BOLL: variants seen among roughly 807,000 people sequenced by gnomAD.
BOLL encodes protein boule-like.
Under a neutral mutation model 44.4 loss-of-function variants are expected in BOLL, and 23 were observed. The observed-to-expected ratio is 0.52, with a 90% CI of 0.37 to 0.73. The LOEUF (loss-of-function observed/expected upper bound fraction) is 0.73, where lower values mean the gene tolerates loss of function less well. BOLL is among the 30% of genes least tolerant of loss of function. The probability of loss-of-function intolerance (pLI) is 0.00; values close to 1 mark genes in which losing one functional copy is unlikely to be tolerated. For missense variants in BOLL, 287 were observed against 338.3 expected (o/e 0.85, Z 1.19); for synonymous variants, 97 against 110.8 (o/e 0.88, Z 0.78).
intron 8 of BOLL, 45 bp from the exon 9 acceptor site, chr2:197,756,601 T>G: frequency 1.3e-6 from 2 of 1,526,958 alleles, no homozygotes. Context: ...GATTAGTTAT[T>G]TCTGTTAAAC....
intron 10 of BOLL, among the ~76,000 whole-genome samples, chr2:197,732,805 G>A (rs1395175638): frequency 8.2e-5 from 11 of 134,350 alleles, no homozygotes; most frequent in South Asian, 2.6e-4. Context: ...TTGATGGGAC[G>A]TATTTCAAAA....
In BOLL at chr2:197,734,611, A is replaced by T. The variant is rs538384645; in HGVS notation, c.829-6033T>A. ...TAAGAAAATGTGGCAGATATACACC[A>T]TGGAATACTATGCAGCCATAAAAAA... is the stretch of plus-strand genomic sequence containing the variant. On this transcript the variant is annotated intron_variant, in intron 10 of 10. Coordinates refer to ENST00000392296, the MANE Select transcript of BOLL (RefSeq NM_033030.6). Among the ~76,000 whole-genome samples the T allele has an allele frequency of 3.4e-3, 519 of 152,238 alleles. 7 individuals are homozygous for T. The highest frequency in any genetic ancestry group is 0.012 in the African/African-American group (494 of 41,518).
At chr2:197,748,211 C>T (rs1307465490) in intron 9 of BOLL, among the ~76,000 whole-genome samples, 7 of 152,200 alleles carry the variant, frequency 4.6e-5, no homozygotes, top group South Asian at 2.1e-4. Flanking sequence ...TCAGATACTA[C>T]GCTTTTCCCA....
intron 7 of BOLL, among the ~76,000 whole-genome samples, chr2:197,760,730 C>T (rs1688718389): frequency 6.6e-6 from 1 of 152,106 alleles, no homozygotes; most frequent in African/African-American, 2.4e-5. Context: ...AGAGACTACC[C>T]TAGCAGATAG....
At chr2:197,761,983 G>A (rs1688779468) in intron 7 of BOLL, among the ~76,000 whole-genome samples, 1 of 152,130 alleles carries the variant, frequency 6.6e-6, no homozygotes, top group Non-Finnish European at 1.5e-5. Context: ...GAGAGAGGGA[G>A]AAACCCCAAT....
chr2:197,785,203 A>C lies in BOLL; in HGVS notation c.-163T>G, dbSNP rs1241672758. ...AACGAGGATCCACCCCCTCCCCACC[A>C]AAGTGCGGGAGGGAAAAGAAGGCTA... On this transcript the variant is annotated 5_prime_UTR_variant, in exon 1 of 11. Transcript: ENST00000392296. This position sits in a 1 kb window ranked among gnomAD's most constrained non-coding sequence, Gnocchi z 6.7. 3.0e-6 allele frequency: 3 copies of C among 985,732 alleles called. No individual in the cohort carries two copies. The highest frequency in any genetic ancestry group is 3.6e-6 in the Non-Finnish European group (3 of 829,916). 61.1% of individuals were successfully genotyped at this position (985,732 alleles called of 1,614,324 possible).
At chr2:197,732,777 C>T (rs1369370526) in intron 10 of BOLL, among the ~76,000 whole-genome samples, 1 of 142,442 alleles carries the variant, frequency 7.0e-6, no homozygotes, top group Admixed American at 7.1e-5. Context: ...ATGCTAAAAA[C>T]TCTCAATAAA....
chr2:197,771,106 C>T (rs55691911), intron 6 of BOLL, among the ~76,000 whole-genome samples: 1,536 of 152,094 alleles, frequency 0.01, 10 homozygotes, highest in Non-Finnish European at 0.017. Context: ...CCCAAATGCC[C>T]ATCAATGATA....
intron 7 of BOLL, among the ~76,000 whole-genome samples, chr2:197,761,731 C>T (rs1005318297): frequency 6.6e-6 from 1 of 152,072 alleles, no homozygotes; most frequent in Non-Finnish European, 1.5e-5. Context: ...TAAAGACACA[C>T]ATAGGCTGAA....
intron 5 of BOLL, among the ~76,000 whole-genome samples, chr2:197,773,302 A>G (rs1463680230): frequency 1.3e-5 from 2 of 151,886 alleles, no homozygotes; most frequent in Admixed American, 1.3e-4. Context: ...ACCATGCTTT[A>G]CCTGCTAAAT....
Position 197,727,720 on chromosome 2 carries a change from C to T in BOLL, c.*835G>A, listed in dbSNP as rs1360175971. On this transcript the variant is annotated 3_prime_UTR_variant, in exon 11 of 11. Coordinates refer to ENST00000392296, the MANE Select transcript of BOLL (RefSeq NM_033030.6). ...AACAGTAATTTGGTGGAATTTCAGT[C>T]AGTGTTATGGGATCATGTCAGAGAT... The T allele has an allele frequency of 6.6e-6, 1 of 152,232 alleles. No individual in the cohort carries two copies. Among genetic ancestry groups the T allele is most frequent in the Non-Finnish European group, 1.5e-5 (1 of 68,004 alleles). The allele number at this position is 152,232 out of a possible 1,614,324, so 9.4% of individuals were successfully genotyped here. A position where few individuals can be genotyped will look rare whatever the true frequency, so the allele number is the denominator to read the frequency against.
chr2:197,785,157 C>A lies in BOLL; in HGVS notation c.-117G>T. On this transcript the variant is annotated 5_prime_UTR_variant, in exon 1 of 11. It removes an upstream start codon present in the reference 5' UTR. Transcript: ENST00000392296. This position sits in a 1 kb window ranked among gnomAD's most constrained non-coding sequence, Gnocchi z 6.7. Reference sequence around the variant, plus strand: ...ACAACTTCCTCGAGTTCTCTCGGGTCATCGTGAACTTGGGCACCGAAACGA... The same window carrying A: ...ACAACTTCCTCGAGTTCTCTCGGGTAATCGTGAACTTGGGCACCGAAACGA... 1 of 985,988 alleles carries A rather than the reference C, an allele frequency of 1.0e-6. No homozygotes were observed. Among genetic ancestry groups the A allele is most frequent in the Non-Finnish European group, 1.2e-6 (1 of 829,930 alleles). 61.1% of individuals were successfully genotyped at this position (985,988 alleles called of 1,614,324 possible).
At chr2:197,771,723 G>C in intron 6 of BOLL, 132 bp downstream of exon 6, 1 of 1,070,090 alleles carries the variant, frequency 9.3e-7, no homozygotes, top group Middle Eastern at 2.9e-4. Context: ...GCAAAATGTT[G>C]ATGTCTATTT....
intron 7 of BOLL, 36 bp downstream of exon 7, chr2:197,766,496 G>T (rs1403940): frequency 1.3e-6 from 2 of 1,520,510 alleles, no homozygotes; most frequent in Non-Finnish European, 1.8e-6. Context: ...AGGACTGAAA[G>T]TTTCAGAGAG....
At chr2:197,750,590 G>C (rs1688197499) in intron 9 of BOLL, among the ~76,000 whole-genome samples, 1 of 152,174 alleles carries the variant, frequency 6.6e-6, no homozygotes, top group Admixed American at 6.6e-5. Flanking sequence ...GCAACAAGAA[G>C]AGCTAACTAT....
chr2:197,759,064 A>G lies in BOLL; in HGVS notation c.553-1664T>C, dbSNP rs879499475. 3.8e-5 allele frequency: 52 copies of G among 1,382,688 alleles called. No individual in the cohort carries two copies. In the Admixed American group the frequency reaches 6.3e-4, roughly 17 times the overall value. The allele number at this position is 1,382,688 out of a possible 1,614,324, so 85.7% of individuals were successfully genotyped here. ...AGATGGCTGACCAGAGATGCCTAGC[A>G]TTCATTTTCCACTGGCTCCCCACCC... On this transcript the variant is annotated intron_variant, in intron 7 of 10. Transcript: ENST00000392296.
At chr2:197,732,010 T>C (rs1687206721) in intron 10 of BOLL, among the ~76,000 whole-genome samples, 1 of 150,278 alleles carries the variant, frequency 6.7e-6, no homozygotes, top group Non-Finnish European at 1.5e-5. Flanking sequence ...AAAAAATTAA[T>C]GAATCCAGGA....
At chr2:197,763,749 G>A (rs1688865436) in intron 7 of BOLL, among the ~76,000 whole-genome samples, 1 of 152,022 alleles carries the variant, frequency 6.6e-6, no homozygotes, top group African/African-American at 2.4e-5. Context: ...GTGAACAGAC[G>A]ACCTGTTGAA....
chr2:197,783,926 C>T (rs1026520281), intron 1 of BOLL, among the ~76,000 whole-genome samples: 3 of 152,090 alleles, frequency 2.0e-5, no homozygotes, highest in Non-Finnish European at 4.4e-5. Context: ...ATAAGATGTA[C>T]TAATATGTTC....
Sources: gnomAD v4.1 joint callset for allele counts (sites outside exome capture counted in the v4.1 genomes callset) on GRCh38, gnomAD v4.1.1 for gene constraint, Gnocchi (gnomAD v3.1) non-coding constraint, MANE v1.5 for transcripts, NCBI Gene and HGNC (gene_info 2026-07-23, HGNC 2026-07-21) for gene names.